Variants in GPR158 observed in about 807,000 individuals in gnomAD.
The protein encoded by GPR158 is G protein-coupled receptor 158.
GPR158 carries 30 observed loss-of-function variants against 78.2 expected under a neutral mutation model. The ratio of observed to expected loss-of-function variants is 0.38; its 90% CI spans 0.29 to 0.52. The LOEUF (loss-of-function observed/expected upper bound fraction) is 0.52, where lower values mean the gene tolerates loss of function less well. Among genes scored for constraint, GPR158 ranks in the 20% least tolerant of loss-of-function variants. GPR158 has a pLI of 0.83. For synonymous variants in GPR158, 581 were observed against 591.1 expected (o/e 0.98, Z 0.25); for missense variants, 1,463 against 1,523.5 (o/e 0.96, Z 0.66).
At chr10:25,574,015 T>C (rs1166397381) in intron 7 of GPR158, among the ~76,000 whole-genome samples, 2 of 151,934 alleles carry the variant, frequency 1.3e-5, no homozygotes, top group Non-Finnish European at 2.9e-5. Flanking sequence ...GAAAATTAAA[T>C]TGTATAGATA....
At chr10:25,227,545 A>C (rs1853390710) in intron 2 of GPR158, among the ~76,000 whole-genome samples, 1 of 152,202 alleles carries the variant, frequency 6.6e-6, no homozygotes, top group Non-Finnish European at 1.5e-5. Context: ...ACAGTTTACA[A>C]GTTTGCTAAA....
chr10:25,434,767 G>A (rs1834974735), intron 4 of GPR158, among the ~76,000 whole-genome samples: 1 of 152,134 alleles, frequency 6.6e-6, no homozygotes, highest in African/African-American at 2.4e-5. Flanking sequence ...TCATGTGATA[G>A]CTTTTAAACC....
intron 4 of GPR158, among the ~76,000 whole-genome samples, chr10:25,413,014 A>G (rs1380485428): frequency 6.6e-6 from 1 of 152,194 alleles, no homozygotes; most frequent in African/African-American, 2.4e-5. Flanking sequence ...CTTTGGTTCT[A>G]GTCTAAGTAA....
In GPR158 at chr10:25,367,060, A is replaced by G. The variant is rs80352191; in HGVS notation, c.1009-28851A>G. Among the ~76,000 whole-genome samples the G allele has an allele frequency of 4.6e-3, 702 of 151,746 alleles. 3 individuals carry two copies. In the Middle Eastern group the frequency reaches 0.048, roughly 10 times the overall value. On this transcript the variant is annotated intron_variant, in intron 2 of 10. Transcript: ENST00000376351. ...GTTTTTAATTTTAATGTATTTCTTT[A>G]TATTTAATAATACCCCAAATCATGA...
intron 6 of GPR158, among the ~76,000 whole-genome samples, chr10:25,555,505 T>C (rs1836777061): frequency 6.6e-6 from 1 of 152,200 alleles, no homozygotes; most frequent in Non-Finnish European, 1.5e-5. Flanking sequence ...ATTCCCATGA[T>C]ATGTGGGTTC....
At chr10:25,490,274 A>G (rs900447402) in intron 5 of GPR158, among the ~76,000 whole-genome samples, 1 of 151,684 alleles carries the variant, frequency 6.6e-6, no homozygotes, top group Non-Finnish European at 1.5e-5. Flanking sequence ...AAAGATACAT[A>G]CACTTTTTTT....
chr10:25,495,170 T>C lies in GPR158; in HGVS notation c.1404+28451T>C, dbSNP rs147440716. Among the ~76,000 whole-genome samples the C allele has an allele frequency of 1.9e-3, 292 of 151,828 alleles. 1 individual carries two copies. The highest frequency in any genetic ancestry group is 6.7e-3 in the African/African-American group (276 of 41,426). ...CTAACTTTTTTTTTTTTTTTAGATA[T>C]ATAAGTACATGAGGAACAAATTCAG... On this transcript the variant is annotated intron_variant, in intron 5 of 10. Transcript: ENST00000376351.
intron 2 of GPR158, among the ~76,000 whole-genome samples, chr10:25,265,444 G>T (rs1854032855): frequency 6.6e-6 from 1 of 152,114 alleles, no homozygotes; most frequent in African/African-American, 2.4e-5. Context: ...CTTGAGTTGG[G>T]CATGTAATAG....
chr10:25,220,778 G>A (rs771247228), intron 1 of GPR158, among the ~76,000 whole-genome samples: 9 of 152,088 alleles, frequency 5.9e-5, no homozygotes, highest in Non-Finnish European at 1.2e-4. Flanking sequence ...TGGAGTTCAG[G>A]CAATCAACAC....
At chr10:25,405,847 A>T (rs932752682) in intron 3 of GPR158, among the ~76,000 whole-genome samples, 12 of 152,124 alleles carry the variant, frequency 7.9e-5, no homozygotes, top group African/African-American at 2.7e-4. Flanking sequence ...TTGTGAATGT[A>T]AAGGAAAGCC....
At chr10:25,582,248 C>T (rs937836834) in intron 7 of GPR158, among the ~76,000 whole-genome samples, 2 of 152,194 alleles carry the variant, frequency 1.3e-5, no homozygotes, top group Non-Finnish European at 2.9e-5. Context: ...GACCTGGACC[C>T]TGTGCTCTGA....
chr10:25,372,444 A>T (rs1834009871), intron 2 of GPR158, among the ~76,000 whole-genome samples: 1 of 144,542 alleles, frequency 6.9e-6, no homozygotes, highest in African/African-American at 2.6e-5. Flanking sequence ...AATAACAAAG[A>T]CTTGGAACCA....
chr10:25,352,442 ATATCT>A (rs1411923491), intron 2 of GPR158, among the ~76,000 whole-genome samples: 1 of 152,046 alleles, frequency 6.6e-6, no homozygotes, highest in African/African-American at 2.4e-5. Flanking sequence ...CATTAAAATA[ATATCT>A]TAGTTTTTAG....
intron 2 of GPR158, among the ~76,000 whole-genome samples, chr10:25,325,258 A>AAT (rs1855013800): frequency 6.6e-6 from 1 of 152,082 alleles, no homozygotes; most frequent in African/African-American, 2.4e-5. Context: ...ATTGACATTT[A>AAT]ATATTTGTTT....
At chr10:25,392,387 C>T (rs1834312092) in intron 2 of GPR158, among the ~76,000 whole-genome samples, 2 of 152,224 alleles carry the variant, frequency 1.3e-5, no homozygotes, top group Non-Finnish European at 2.9e-5. Flanking sequence ...GTAGCAGGAG[C>T]CAAGGGCAGC....
chr10:25,317,267 C>T lies in GPR158; in HGVS notation c.1009-78644C>T, dbSNP rs566056573. Among the ~76,000 whole-genome samples, 498 of 151,868 alleles carry T rather than the reference C, an allele frequency of 3.3e-3. 3 individuals carry two copies. The highest frequency in any genetic ancestry group is 0.011 in the African/African-American group (456 of 41,406). On this transcript the variant is annotated intron_variant, in intron 2 of 10. Transcript: ENST00000376351. ...TTCACCATGTTGGTCAGGCTGGTCT[C>T]GAACTCCTGACCTCAGGTTATCCAC...
chr10:25,261,093 G>A (rs1229666493), intron 2 of GPR158, among the ~76,000 whole-genome samples: 2 of 151,854 alleles, frequency 1.3e-5, no homozygotes, highest in Admixed American at 1.3e-4. Context: ...AAACCATCTG[G>A]GAAGCTTTTA....
intron 2 of GPR158, among the ~76,000 whole-genome samples, chr10:25,320,201 A>G (rs948501972): frequency 4.6e-5 from 7 of 152,214 alleles, no homozygotes; most frequent in Admixed American, 4.6e-4. Flanking sequence ...TCCACATAGT[A>G]TATCTCACCC....
At chr10:25,395,860 A>G (rs780966218) in intron 2 of GPR158, 51 bp from the exon 3 acceptor site, 3 of 859,518 alleles carry the variant, frequency 3.5e-6, no homozygotes, top group South Asian at 1.4e-5. Flanking sequence ...GAGCCTTTAT[A>G]CCATGAGATA....
Sources: gnomAD v4.1 joint callset for allele counts (sites outside exome capture counted in the v4.1 genomes callset) on GRCh38, gnomAD v4.1.1 for gene constraint, MANE v1.5 for transcripts, NCBI Gene and HGNC (gene_info 2026-07-23, HGNC 2026-07-21) for gene names.